The following KIN variants were observed in gnomAD, a reference collection of about 807,000 sequenced individuals.
The protein encoded by KIN is DNA/RNA-binding protein KIN17.
KIN carries 47 observed loss-of-function variants against 63.0 expected under a neutral mutation model. The observed-to-expected ratio is 0.75, with a 90% confidence interval of 0.59 to 0.95. KIN has a LOEUF of 0.95. KIN is among the 40% of genes least tolerant of loss of function. KIN has a pLI of 0.00. For missense variants in KIN, 408 were observed against 460.9 expected, an observed-to-expected ratio of 0.89 and a Z score of 1.05; for synonymous variants, 160 against 157.7, an observed-to-expected ratio of 1.01 and a Z score of -0.11.
At chr10:7,757,511 A>G (rs1324423511) in intron 12 of KIN, among the ~76,000 whole-genome samples, 1 of 151,700 alleles carries the variant, frequency 6.6e-6, no homozygotes, top group Non-Finnish European at 1.5e-5. Flanking sequence ...AATAAATAAT[A>G]AAATAAAATA....
chr10:7,779,249 A>G (rs889759406), intron 4 of KIN, among the ~76,000 whole-genome samples: 2 of 152,120 alleles, frequency 1.3e-5, no homozygotes, highest in Admixed American at 6.6e-5. Flanking sequence ...TCTACTAAAA[A>G]TACAAAAATT....
At chr10:7,774,803 T>C (rs757059828) in intron 7 of KIN, 28 bp downstream of exon 7, 1 of 1,561,764 alleles carries the variant, frequency 6.4e-7, no homozygotes, top group Non-Finnish European at 8.8e-7. Context: ...CCTAATGTTT[T>C]AAGATATCCG....
chr10:7,777,995 C>T (rs80007012), intron 5 of KIN, among the ~76,000 whole-genome samples: 5,079 of 152,166 alleles, frequency 0.033, 120 homozygotes, highest in South Asian at 0.096. Flanking sequence ...CCTGGCACAG[C>T]GGAGGCGCTT....
intron 5 of KIN, among the ~76,000 whole-genome samples, chr10:7,777,333 G>T (rs1835800155): frequency 6.6e-6 from 1 of 151,824 alleles, no homozygotes. Flanking sequence ...ATGTCTGGGA[G>T]ATGGGGTATT....
intron 12 of KIN, among the ~76,000 whole-genome samples, chr10:7,758,175 C>A (rs149216495): frequency 6.3e-4 from 95 of 151,392 alleles, no homozygotes; most frequent in African/African-American, 2.1e-3. Context: ...CAGGTTCAAG[C>A]GATTCTCCTG....
intron 1 of KIN, among the ~76,000 whole-genome samples, chr10:7,784,819 C>G (rs990770099): frequency 2.6e-5 from 4 of 152,184 alleles, no homozygotes; most frequent in African/African-American, 7.2e-5. Flanking sequence ...TACCCCAATA[C>G]TCACTTGCTC....
chr10:7,757,609 G>A (rs542340908), intron 12 of KIN, among the ~76,000 whole-genome samples: 15 of 152,120 alleles, frequency 9.9e-5, no homozygotes, highest in Admixed American at 8.5e-4. Context: ...CAATAATGAT[G>A]ATGACAATGA....
intron 5 of KIN, among the ~76,000 whole-genome samples, chr10:7,777,904 C>CAAA (rs148544006): frequency 0.014 from 2,112 of 148,270 alleles, 53 homozygotes; most frequent in African/African-American, 0.047. Flanking sequence ...GTCCCCCCCC[C>CAAA]AAAAAAAAAA....
intron 8 of KIN, among the ~76,000 whole-genome samples, chr10:7,767,938 A>G (rs1163372568): frequency 6.6e-6 from 1 of 151,808 alleles, no homozygotes. Context: ...AAATGAGGAG[A>G]CAGAGGAAAT....
At chr10:7,766,894 T>C (rs566959272) in intron 8 of KIN, among the ~76,000 whole-genome samples, 1 of 151,892 alleles carries the variant, frequency 6.6e-6, no homozygotes, top group South Asian at 2.1e-4. Context: ...TGGTGGTGCA[T>C]GCCTGTAGTC....
At chr10:7,778,741 A>AAACAAC (rs111726843) in intron 5 of KIN, 97 bp downstream of exon 5, 451,044 of 1,219,236 alleles carry the variant, frequency 0.37, 87,881 homozygotes, top group East Asian at 0.7. Flanking sequence ...TCCATCTCCA[A>AAACAAC]AACAACAACA....
In KIN at chr10:7,787,823, G is replaced by A. The variant is rs138658111; in HGVS notation, c.111C>T (p.Asp37=). 1 of 1,611,750 alleles carries A rather than the reference G, an allele frequency of 6.2e-7. No homozygotes were observed. Among genetic ancestry groups the A allele is most frequent in the African/African-American group, 1.3e-5 (1 of 74,898 alleles). Residue 37 remains aspartate, a synonymous_variant, in exon 1 of 13, where the codon GAC becomes GAT. Coordinates refer to ENST00000379562, the MANE Select transcript of KIN (RefSeq NM_012311.4). The stretch of plus-strand genomic sequence containing the variant: ...GGGCCACTCCGGGCCCACTCACCTC[G>A]TCCCGGCACTGCTTCTGGCACATCT... ...YCQMCQKQCR[D]ENGFKCHCMS...
intron 5 of KIN, among the ~76,000 whole-genome samples, chr10:7,776,292 G>A (rs1480454344): frequency 6.7e-6 from 1 of 149,140 alleles, no homozygotes; most frequent in Non-Finnish European, 1.5e-5. Flanking sequence ...TGTAATCCTA[G>A]CACTTTGCGA....
intron 5 of KIN, among the ~76,000 whole-genome samples, chr10:7,777,853 C>T (rs1835810468): frequency 6.7e-6 from 1 of 149,664 alleles, no homozygotes; most frequent in Non-Finnish European, 1.5e-5. Context: ...CAGCTGAAAT[C>T]GCGCCACTGC....
chr10:7,758,029 T>C (rs914121754), intron 12 of KIN, among the ~76,000 whole-genome samples: 1 of 146,026 alleles, frequency 6.8e-6, no homozygotes, highest in African/African-American at 2.5e-5. Context: ...TTTTTTTTAA[T>C]GAGGACAGGC....
intron 2 of KIN, among the ~76,000 whole-genome samples, chr10:7,781,374 A>T (rs1245271540): frequency 6.6e-6 from 1 of 152,174 alleles, no homozygotes; most frequent in Non-Finnish European, 1.5e-5. Context: ...TGGGAAACCA[A>T]AATAAGGTTT....
intron 1 of KIN, among the ~76,000 whole-genome samples, chr10:7,784,682 T>C (rs1359692902): frequency 6.6e-6 from 1 of 151,520 alleles, no homozygotes; most frequent in Non-Finnish European, 1.5e-5. Flanking sequence ...TCATAAATGT[T>C]AAAAAAAAAT....
At position 7,755,659 on chromosome 10, in the gene KIN, A is replaced by G. The variant is rs1835318943; in HGVS notation, c.*421T>C. The G allele has an allele frequency of 6.5e-6, 1 of 152,982 alleles. No individual in the cohort carries two copies. The highest frequency in any genetic ancestry group is 6.5e-5 in the Admixed American group (1 of 15,308). The allele number at this position is 152,982 out of a possible 1,614,324, so 9.5% of individuals were successfully genotyped here. On this transcript the variant is annotated 3_prime_UTR_variant, in exon 13 of 13. Transcript: ENST00000379562. ...ACTGTATGGTATATGAATTATTACC[A>G]CAATAAAGCTGCTTCTATATTTATA... is the stretch of plus-strand genomic sequence containing the variant.
intron 5 of KIN, among the ~76,000 whole-genome samples, chr10:7,777,751 T>C (rs1010744682): frequency 2.0e-5 from 3 of 152,090 alleles, no homozygotes; most frequent in Non-Finnish European, 2.9e-5. Context: ...TGCAAAAAAT[T>C]AGCTGGGCAT....
Sources: allele counts gnomAD v4.1 joint callset (sites outside exome capture counted in the v4.1 genomes callset), GRCh38; gene constraint gnomAD v4.1.1; transcripts MANE v1.5; gene names NCBI Gene and HGNC (gene_info 2026-07-23, HGNC 2026-07-21).